Variants in ZNF423 observed in about 807,000 individuals in gnomAD.
The protein encoded by ZNF423 is Ebf-associated zinc finger protein.
In ZNF423, 12 loss-of-function variants were observed where a neutral mutation model predicts 95.8. The observed-to-expected ratio is 0.13, with a 90% CI of 0.08 to 0.20. ZNF423 has a LOEUF of 0.20. Among genes scored for constraint, ZNF423 ranks in the 10% least tolerant of loss-of-function variants. The pLI, the probability that ZNF423 is intolerant of heterozygous loss-of-function variation, is 1.00. For synonymous variants in ZNF423, 749 were observed against 711.9 expected, an observed-to-expected ratio of 1.05 and a Z score of -0.83; for missense variants, 1,316 against 1,737.1, an observed-to-expected ratio of 0.76 and a Z score of 4.31.
At chr16:49,606,919 G>C (rs1163265136) in intron 5 of ZNF423, among the ~76,000 whole-genome samples, 1 of 152,126 alleles carries the variant, frequency 6.6e-6, no homozygotes, top group African/African-American at 2.4e-5. Context: ...CCACCGGGTG[G>C]GGGTCTGCAG....
Position 49,487,552 on chromosome 16 carries a change from T to A in ZNF423, c.*3723A>T, listed in dbSNP as rs968771142. 6.6e-6 allele frequency: 1 copy of A among 152,174 alleles called. No homozygotes were observed. The highest frequency in any genetic ancestry group is 2.4e-5 in the African/African-American group (1 of 41,444). 9.4% of individuals were successfully genotyped at this position (152,174 alleles called of 1,614,324 possible). A position where few individuals can be genotyped will look rare whatever the true frequency, so the allele number is the denominator to read the frequency against. On this transcript the variant is annotated 3_prime_UTR_variant, in exon 8 of 8. Coordinates refer to ENST00000563137, the MANE Select transcript of ZNF423 (RefSeq NM_001379286.1). ...CCTGTACAGTACAATTTCACTTTAT[T>A]CATCGTTGTCATCATGATTGTTATA...
At chr16:49,674,697 C>T (rs1236421376) in intron 3 of ZNF423, among the ~76,000 whole-genome samples, 1 of 152,176 alleles carries the variant, frequency 6.6e-6, no homozygotes, top group African/African-American at 2.4e-5. Flanking sequence ...CAGTGCTGTG[C>T]AGAGGGGCGG....
intron 5 of ZNF423, among the ~76,000 whole-genome samples, chr16:49,560,895 G>A (rs760018029): frequency 8.6e-5 from 13 of 152,004 alleles, no homozygotes; most frequent in South Asian, 2.1e-4. Context: ...CCTTTAGCAC[G>A]TGGAACTTAA....
chr16:49,709,261 T>G (rs2032467177), intron 3 of ZNF423, among the ~76,000 whole-genome samples: 2 of 151,008 alleles, frequency 1.3e-5, no homozygotes, highest in Non-Finnish European at 2.9e-5. Context: ...TTCCTGCCTC[T>G]TGTCTCCCCC....
chr16:49,692,322 C>G (rs1388458943), intron 3 of ZNF423, among the ~76,000 whole-genome samples: 1 of 152,090 alleles, frequency 6.6e-6, no homozygotes, highest in South Asian at 2.1e-4. Context: ...AGGGGGAAAA[C>G]GATGAGGCTT....
In ZNF423 at chr16:49,626,153, A is replaced by C. The variant is rs528440962; in HGVS notation, c.3601+17T>G. 14 of 1,612,968 alleles carry C rather than the reference A, an allele frequency of 8.7e-6. No individual in the cohort carries two copies. The highest frequency in any genetic ancestry group is 1.3e-5 in the African/African-American group (1 of 74,898). On this transcript the variant is annotated intron_variant, in intron 5 of 7. Coordinates refer to ENST00000563137, the MANE Select transcript of ZNF423 (RefSeq NM_001379286.1). ...AAAGAGTAGCTCCAGCATGGCTGGG[A>C]GGAAATGCTCTCTTACCAATCATGT... is the stretch of plus-strand genomic sequence containing the variant.
chr16:49,788,008 CA>C (rs1396576965), intron 2 of ZNF423, among the ~76,000 whole-genome samples: 1 of 152,242 alleles, frequency 6.6e-6, no homozygotes, highest in African/African-American at 2.4e-5. Context: ...ACTCCCCGCA[CA>C]GAAGGAGACA....
chr16:49,822,638 C>T (rs746083025), intron 1 of ZNF423: 4 of 1,569,006 alleles, frequency 2.5e-6, no homozygotes. Flanking sequence ...TTCCCTTGCC[C>T]CACCCCTCAG....
At chr16:49,601,798 G>A (rs925095187) in intron 5 of ZNF423, among the ~76,000 whole-genome samples, 1 of 152,246 alleles carries the variant, frequency 6.6e-6, no homozygotes, top group Admixed American at 6.5e-5. Context: ...CAGCTGGAGA[G>A]CATCCTCCCT....
chr16:49,838,063 T>C (rs1033980031), intron 1 of ZNF423, among the ~76,000 whole-genome samples: 2 of 152,242 alleles, frequency 1.3e-5, no homozygotes, highest in African/African-American at 4.8e-5. Flanking sequence ...ATCCAGTGAA[T>C]GAATGAAGTC....
At chr16:49,723,718 T>A (rs1210623570) in intron 3 of ZNF423, among the ~76,000 whole-genome samples, 2 of 152,218 alleles carry the variant, frequency 1.3e-5, no homozygotes, top group Non-Finnish European at 2.9e-5. Context: ...AGATTCCTGA[T>A]CCACTTGGGA....
chr16:49,708,460 T>C (rs1464858375), intron 3 of ZNF423, among the ~76,000 whole-genome samples: 1 of 152,070 alleles, frequency 6.6e-6, no homozygotes, highest in Non-Finnish European at 1.5e-5. Flanking sequence ...CTAATTTTTT[T>C]TGTATTTTTA....
At chr16:49,556,993 T>A (rs897531794) in intron 5 of ZNF423, among the ~76,000 whole-genome samples, 1 of 152,238 alleles carries the variant, frequency 6.6e-6, no homozygotes, top group Non-Finnish European at 1.5e-5. Flanking sequence ...TCAAGTGCCC[T>A]GTCTCTCATA....
At chr16:49,628,556 T>C (rs1972389550) in intron 4 of ZNF423, among the ~76,000 whole-genome samples, 1 of 152,104 alleles carries the variant, frequency 6.6e-6, no homozygotes, top group Non-Finnish European at 1.5e-5. Flanking sequence ...CATCCATCCA[T>C]CCATCCATCT....
intron 1 of ZNF423, among the ~76,000 whole-genome samples, chr16:49,815,878 AAAAATATATATATATATAT>A (rs1567356139): frequency 1.3e-4 from 8 of 61,386 alleles, no homozygotes; most frequent in African/African-American, 6.0e-4. Flanking sequence ...AACAAAAAAA[AAAAATATATATATATATAT>A]ATATATATAT....
intron 5 of ZNF423, among the ~76,000 whole-genome samples, chr16:49,574,184 G>C (rs1206610414): frequency 6.6e-6 from 1 of 152,208 alleles, no homozygotes; most frequent in Admixed American, 6.5e-5. Context: ...AGGAGTTCAA[G>C]ACCAGCCTGG....
At chr16:49,822,815 A>G (rs2144030422) in intron 1 of ZNF423, 2 of 1,123,370 alleles carry the variant, frequency 1.8e-6, no homozygotes, top group Non-Finnish European at 2.5e-6. Context: ...ACACTTGTAT[A>G]CCCATTTGAC....
chr16:49,604,265 G>T (rs1290368913), intron 5 of ZNF423, among the ~76,000 whole-genome samples: 1 of 152,198 alleles, frequency 6.6e-6, no homozygotes, highest in African/African-American at 2.4e-5. Context: ...CTGTGAGAGA[G>T]TGCCCTCACC....
chr16:49,721,228 A>G (rs2032856823), intron 3 of ZNF423, among the ~76,000 whole-genome samples: 1 of 152,216 alleles, frequency 6.6e-6, no homozygotes, highest in Non-Finnish European at 1.5e-5. Context: ...TGCAGATAGC[A>G]CATTAACTGA....
Sources: gnomAD v4.1 joint callset for allele counts (sites outside exome capture counted in the v4.1 genomes callset) on GRCh38, gnomAD v4.1.1 for gene constraint, MANE v1.5 for transcripts, NCBI Gene and HGNC (gene_info 2026-07-23, HGNC 2026-07-21) for gene names.